BYSL: variants seen among roughly 807,000 people sequenced by gnomAD.
BYSL encodes bystin like.
A neutral mutation model predicts 45.4 loss-of-function variants in BYSL; 21 were observed. The ratio of observed to expected loss-of-function variants is 0.46; its 90% confidence interval spans 0.33 to 0.67. The LOEUF is 0.67. BYSL is among the 30% of genes least tolerant of loss of function. BYSL has a pLI of 0.02. For missense variants in BYSL, 522 were observed against 578.5 expected (o/e 0.90, Z 1.00); for synonymous variants, 215 against 231.3 (o/e 0.93, Z 0.64).
At chr6:41,909,260 A>G in the BYSL span, 2 of 1,609,798 alleles carry the variant, frequency 1.2e-6, no homozygotes, top group South Asian at 1.1e-5. Context: ...ATTTTCACCA[A>G]GGTCTTACCT....
chr6:41,923,196 C>T (rs944295756), intron 1 of BYSL, among the ~76,000 whole-genome samples: 7 of 151,846 alleles, frequency 4.6e-5, no homozygotes, highest in African/African-American at 9.7e-5. Context: ...GGATAGAGTG[C>T]GGTGGCACAA....
At chr6:41,921,104 C>G, upstream of BYSL, 1 of 1,554,874 alleles carries the variant, frequency 6.4e-7, no homozygotes, top group Non-Finnish European at 8.8e-7. Context: ...AGTTCCCCAA[C>G]ACAACCTTCT....
At chr6:41,919,128 C>CAAA (rs35512146), upstream of BYSL, among the ~76,000 whole-genome samples, 84 of 44,560 alleles carry the variant, frequency 1.9e-3, no homozygotes, top group East Asian at 3.3e-3. Flanking sequence ...GACTCTGCCT[C>CAAA]AAAAAAAAAA....
chr6:41,919,441 G>A (rs1775402998), upstream of BYSL, among the ~76,000 whole-genome samples: 1 of 152,210 alleles, frequency 6.6e-6, no homozygotes, highest in African/African-American at 2.4e-5. Flanking sequence ...TTAAGGTAGA[G>A]TCCTTCTGTT....
chr6:41,916,709 G>T (rs1775323312), upstream of BYSL: 41 of 1,554,518 alleles, frequency 2.6e-5, no homozygotes, highest in South Asian at 4.6e-4. Flanking sequence ...CAGAAAAGCA[G>T]AAAGACTTCA....
chr6:41,927,252 C>A, intron 1 of BYSL, 122 bp from the exon 2 acceptor site: 1 of 1,221,906 alleles, frequency 8.2e-7, no homozygotes, highest in Non-Finnish European at 1.1e-6. Flanking sequence ...TGTTTCACTG[C>A]ACATACCTGC....
upstream of BYSL, chr6:41,917,804 G>A (rs1480992126): frequency 2.1e-6 from 1 of 471,374 alleles, no homozygotes; most frequent in East Asian, 6.9e-5. Flanking sequence ...CCAACTCTGT[G>A]AACTTGAGCT....
chr6:41,920,136 T>C (rs1433232095), upstream of BYSL, among the ~76,000 whole-genome samples: 2 of 152,162 alleles, frequency 1.3e-5, no homozygotes, highest in African/African-American at 4.8e-5. Flanking sequence ...CTCATCTTCT[T>C]TCAACTGAGA....
chr6:41,926,610 C>A (rs531572052), intron 1 of BYSL, among the ~76,000 whole-genome samples: 1 of 151,550 alleles, frequency 6.6e-6, no homozygotes, highest in Admixed American at 6.6e-5. Flanking sequence ...ACCACCACGC[C>A]CAGCTAATTT....
At chr6:41,931,877 T>G in intron 6 of BYSL, 47 bp downstream of exon 6, 3 of 1,539,314 alleles carry the variant, frequency 1.9e-6, no homozygotes, top group Non-Finnish European at 1.8e-6. Flanking sequence ...GATATCCAGA[T>G]AGTGGAATTG....
the BYSL span, among the ~76,000 whole-genome samples, chr6:41,911,661 G>T: frequency 1.2e-3 from 182 of 152,252 alleles, no homozygotes; most frequent in African/African-American, 4.2e-3. Context: ...CTAGACGGGG[G>T]TAAGAGTGTG....
the BYSL span, among the ~76,000 whole-genome samples, chr6:41,910,907 G>C: frequency 6.6e-6 from 1 of 151,592 alleles, no homozygotes. Context: ...TCAGGAGTTC[G>C]AGACCAGCCT....
intron 3 of BYSL, 62 bp from the exon 4 acceptor site, chr6:41,930,573 T>A: frequency 1.3e-6 from 2 of 1,555,888 alleles, no homozygotes; most frequent in South Asian, 2.5e-5. Context: ...GACAAGTTCC[T>A]AGCCCACAGC....
chr6:41,930,752 A>G lies in BYSL; in HGVS notation c.688A>G (p.Met230Val), dbSNP rs373566755. 3.5e-5 allele frequency: 56 copies of G among 1,613,472 alleles called. No individual in the cohort carries two copies. The highest frequency in any genetic ancestry group is 4.6e-5 in the Non-Finnish European group (54 of 1,179,820). Residue 230 changes from methionine to valine, a missense_variant, in exon 4 of 7, where the codon ATG (methionine) becomes GTG (valine). Transcript: ENST00000230340. Reference protein sequence around the residue: ...TEPEAWTAAAMYQATRIFASN... With the variant: ...TEPEAWTAAAVYQATRIFASN... ...GCCGGAGGCCTGGACTGCAGCTGCC[A>G]TGTACCAGGCCACCAGGTAGAGTAG...
the BYSL span, chr6:41,909,107 G>C: frequency 1.2e-5 from 11 of 897,114 alleles, 1 homozygote; most frequent in Admixed American, 2.8e-4. Context: ...CCTGGAGGTC[G>C]AGGCTACAGT....
intron 4 of BYSL, among the ~76,000 whole-genome samples, 174 bp from the exon 5 acceptor site, chr6:41,931,222 T>C (rs1317591788): frequency 7.8e-6 from 1 of 127,450 alleles, no homozygotes; most frequent in Non-Finnish European, 1.7e-5. Flanking sequence ...CCTCCTATTC[T>C]CTCTCTAAGC....
chr6:41,928,728 C>G (rs534814393), intron 2 of BYSL, among the ~76,000 whole-genome samples: 2 of 152,286 alleles, frequency 1.3e-5, no homozygotes, highest in South Asian at 4.1e-4. Flanking sequence ...CTATAAAGCA[C>G]CTTAACTCAA....
upstream of BYSL, chr6:41,921,333 T>G: frequency 1.6e-6 from 1 of 625,056 alleles, no homozygotes; most frequent in Non-Finnish European, 2.7e-6. Flanking sequence ...ACTGCACTAT[T>G]GAGAGAAGCT....
chr6:41,919,105 G>A (rs1775393060), upstream of BYSL, among the ~76,000 whole-genome samples: 1 of 146,524 alleles, frequency 6.8e-6, no homozygotes, highest in Non-Finnish European at 1.5e-5. Flanking sequence ...CTCCAGCCTG[G>A]GCAACAGAGT....
Sources: gnomAD v4.1 joint callset for allele counts (sites outside exome capture counted in the v4.1 genomes callset) on GRCh38, gnomAD v4.1.1 for gene constraint, MANE v1.5 for transcripts, NCBI Gene and HGNC (gene_info 2026-07-23, HGNC 2026-07-21) for gene names.